NALCN: variants seen among roughly 807,000 people sequenced by gnomAD.
The protein encoded by NALCN is sodium leak channel NALCN.
NALCN carries 111 observed loss-of-function variants against 225.3 expected under a neutral mutation model. The observed-to-expected ratio is 0.49, with a 90% CI of 0.42 to 0.58. The LOEUF is 0.58. Ranked by LOEUF, NALCN falls within the 20% of genes least tolerant of loss-of-function variation. The pLI, the probability that NALCN is intolerant of heterozygous loss-of-function variation, is 0.00. For missense variants in NALCN, 1,378 were observed against 2,202.4 expected (o/e 0.63, Z 7.49); for synonymous variants, 764 against 769.0 (o/e 0.99, Z 0.11).
intron 37 of NALCN, among the ~76,000 whole-genome samples, chr13:101,071,251 C>G (rs1943469923): frequency 6.6e-6 from 1 of 152,188 alleles, no homozygotes; most frequent in Non-Finnish European, 1.5e-5. Flanking sequence ...CTGCATTAGT[C>G]CCTAACAACA....
At chr13:101,198,715 T>C (rs2039990147) in intron 13 of NALCN, among the ~76,000 whole-genome samples, 1 of 152,158 alleles carries the variant, frequency 6.6e-6, no homozygotes, top group Admixed American at 6.5e-5. Context: ...AGTTCAACCA[T>C]TGTGGAAGTC....
At chr13:101,096,923 T>TC (rs565555855) in intron 27 of NALCN, among the ~76,000 whole-genome samples, 34 of 152,214 alleles carry the variant, frequency 2.2e-4, no homozygotes, top group African/African-American at 7.2e-4. Flanking sequence ...CAACAAAAAT[T>TC]CCATTTTAAT....
intron 22 of NALCN, among the ~76,000 whole-genome samples, 164 bp downstream of exon 22, chr13:101,107,323 T>C (rs2035177111): frequency 1.3e-5 from 2 of 152,356 alleles, no homozygotes; most frequent in South Asian, 4.1e-4. Context: ...ACCTTTGTTT[T>C]CCACCTGGTC....
At chr13:101,220,082 C>T (rs1346918675) in intron 13 of NALCN, among the ~76,000 whole-genome samples, 2 of 152,196 alleles carry the variant, frequency 1.3e-5, no homozygotes, top group African/African-American at 4.8e-5. Context: ...TATTTTCCCA[C>T]ACCATTCTGC....
intron 39 of NALCN, among the ~76,000 whole-genome samples, chr13:101,066,438 A>T (rs115834144): frequency 0.014 from 2,157 of 152,242 alleles, 54 homozygotes; most frequent in African/African-American, 0.05. Flanking sequence ...GACACTGAGA[A>T]TCTAAGATGT....
At chr13:101,325,665 G>A (rs866830370) in intron 7 of NALCN, among the ~76,000 whole-genome samples, 11 of 152,062 alleles carry the variant, frequency 7.2e-5, no homozygotes, top group African/African-American at 1.7e-4. Flanking sequence ...GCTGATATCC[G>A]TTTTATCCTC....
chr13:101,328,017 A>G (rs1214287810), intron 7 of NALCN, among the ~76,000 whole-genome samples: 1 of 152,190 alleles, frequency 6.6e-6, no homozygotes, highest in East Asian at 1.9e-4. Context: ...GGGAGTTGCG[A>G]TAAAACTTTG....
In NALCN at chr13:101,062,198, G is replaced by A. The variant is rs956502475; in HGVS notation, c.4605-80C>T. On this transcript the variant is annotated intron_variant, in intron 40 of 43. Coordinates refer to ENST00000251127, the MANE Select transcript of NALCN (RefSeq NM_052867.4). ...CCTTAGATACGTCAAAATCCAGAGAGGACATCACTCAGTCTAATAAGTCTA... is the reference window on the plus strand; with the variant it reads ...CCTTAGATACGTCAAAATCCAGAGAAGACATCACTCAGTCTAATAAGTCTA... 4.7e-6 allele frequency: 7 copies of A among 1,500,304 alleles called. No homozygotes were observed. The Admixed American group carries it at 1.3e-4, about 29-fold the overall frequency. 92.9% of individuals were successfully genotyped at this position (1,500,304 alleles called of 1,614,324 possible). A position where few individuals can be genotyped will look rare whatever the true frequency, so the allele number is the denominator to read the frequency against.
chr13:101,224,935 A>G (rs1401181167), intron 13 of NALCN, among the ~76,000 whole-genome samples: 1 of 152,120 alleles, frequency 6.6e-6, no homozygotes, highest in Non-Finnish European at 1.5e-5. Flanking sequence ...CCCTCTGACC[A>G]TCAAAGTAGC....
chr13:101,057,101 G>C (rs546606273), intron 43 of NALCN: 7 of 152,188 alleles, frequency 4.6e-5, no homozygotes, highest in Non-Finnish European at 7.3e-5. Context: ...GAACACATAT[G>C]CTACACATCT....
At chr13:101,415,872 G>A (rs539133740) in intron 1 of NALCN, among the ~76,000 whole-genome samples, 7 of 152,092 alleles carry the variant, frequency 4.6e-5, no homozygotes, top group Admixed American at 6.5e-5. Context: ...GTGCCGAGGG[G>A]GCAGGTGCAG....
chr13:101,397,973 AC>A (rs916628711), intron 2 of NALCN, among the ~76,000 whole-genome samples: 2 of 152,112 alleles, frequency 1.3e-5, no homozygotes, highest in African/African-American at 4.8e-5. Flanking sequence ...AGGGAGCAGT[AC>A]GAGCAGGGAA....
chr13:101,275,849 A>C (rs1239830252), intron 10 of NALCN, among the ~76,000 whole-genome samples: 1 of 152,096 alleles, frequency 6.6e-6, no homozygotes, highest in Non-Finnish European at 1.5e-5. Context: ...GCAGATCACG[A>C]GGTCAGAAGA....
At chr13:101,300,242 T>C (rs2043903772) in intron 7 of NALCN, among the ~76,000 whole-genome samples, 2 of 152,176 alleles carry the variant, frequency 1.3e-5, no homozygotes, top group South Asian at 2.1e-4. Flanking sequence ...GTTACCATCC[T>C]AGTGAATAAA....
At chr13:101,397,110 A>ATG (rs2047328131) in intron 2 of NALCN, among the ~76,000 whole-genome samples, 1 of 55,526 alleles carries the variant, frequency 1.8e-5, no homozygotes, top group Non-Finnish European at 2.9e-5. Context: ...ATATATATAT[A>ATG]CATACACATA....
intron 17 of NALCN, among the ~76,000 whole-genome samples, chr13:101,140,827 G>C (rs1388209817): frequency 1.3e-5 from 2 of 152,200 alleles, no homozygotes; most frequent in African/African-American, 4.8e-5. Context: ...GGGAGGCTGA[G>C]GCAGGAGGAT....
At chr13:101,181,995 G>C (rs953221688) in intron 14 of NALCN, among the ~76,000 whole-genome samples, 2 of 151,802 alleles carry the variant, frequency 1.3e-5, no homozygotes, top group African/African-American at 4.8e-5. Flanking sequence ...TTAGCCGGGC[G>C]TGGTGGCGGG....
chr13:101,380,054 C>G (rs2046806083), intron 3 of NALCN, among the ~76,000 whole-genome samples: 1 of 149,792 alleles, frequency 6.7e-6, no homozygotes, highest in South Asian at 2.1e-4. Flanking sequence ...ACAGAACTTT[C>G]CACTGTATAT....
At chr13:101,303,389 C>T (rs1179770356) in intron 7 of NALCN, among the ~76,000 whole-genome samples, 1 of 150,974 alleles carries the variant, frequency 6.6e-6, no homozygotes, top group Non-Finnish European at 1.5e-5. Context: ...CCGTCATTAG[C>T]ACAGAGAGAG....
Sources: gnomAD v4.1 joint callset for allele counts (sites outside exome capture counted in the v4.1 genomes callset) on GRCh38, gnomAD v4.1.1 for gene constraint, MANE v1.5 for transcripts, NCBI Gene and HGNC (gene_info 2026-07-23, HGNC 2026-07-21) for gene names.